The following PMM2 variants were observed in gnomAD, a reference collection of about 807,000 sequenced individuals.
The protein encoded by PMM2 is phosphomannomutase 2.
In PMM2, 35 loss-of-function variants were observed where a neutral mutation model predicts 33.2. The ratio of observed to expected loss-of-function variants is 1.06; its 90% CI spans 0.81 to 1.40. The LOEUF (loss-of-function observed/expected upper bound fraction) is 1.40. Among genes scored for constraint, PMM2 ranks in the 40% most tolerant of loss-of-function variants. PMM2 has a pLI of 0.00. For missense variants in PMM2, 386 were observed against 306.0 expected, an observed-to-expected ratio of 1.26 and a Z score of -1.95; for synonymous variants, 153 against 114.7, an observed-to-expected ratio of 1.33 and a Z score of -2.13.
At chr16:8,819,860 C>T (rs146649123) in intron 7 of PMM2, among the ~76,000 whole-genome samples, 1 of 152,158 alleles carries the variant, frequency 6.6e-6, no homozygotes, top group South Asian at 2.1e-4. Flanking sequence ...AGAGGAAGCA[C>T]AGTGGGAAGT....
intron 7 of PMM2, among the ~76,000 whole-genome samples, chr16:8,842,852 T>A (rs1406140409): frequency 6.6e-6 from 1 of 151,766 alleles, no homozygotes; most frequent in African/African-American, 2.4e-5. Flanking sequence ...TTGAGCGGGG[T>A]AAGGGTGATT....
chr16:8,832,282 T>C (rs1326412239), intron 7 of PMM2: 2 of 985,290 alleles, frequency 2.0e-6, no homozygotes, highest in Non-Finnish European at 1.2e-6. Context: ...CTGCGAGCCG[T>C]GCGGCTCTCT....
At chr16:8,806,198 A>C in intron 3 of PMM2, 118 bp from the exon 4 acceptor site, 1 of 740,660 alleles carries the variant, frequency 1.4e-6, no homozygotes, top group Non-Finnish European at 2.5e-6. Context: ...TGTCACCATC[A>C]CTGCTACATC....
chr16:8,836,314 CAGAG>C (rs1446288937), intron 7 of PMM2, among the ~76,000 whole-genome samples: 2 of 152,158 alleles, frequency 1.3e-5, no homozygotes, highest in African/African-American at 2.4e-5. Context: ...GGGAAGGAGT[CAGAG>C]AGCCTTGGGC....
At chr16:8,798,527 C>G (rs2060592669) in intron 1 of PMM2, among the ~76,000 whole-genome samples, 2 of 152,128 alleles carry the variant, frequency 1.3e-5, no homozygotes. Context: ...GTATGTTGGA[C>G]ACAACACACT....
chr16:8,810,765 C>T (rs762311527), intron 4 of PMM2: 10 of 386,822 alleles, frequency 2.6e-5, no homozygotes, highest in Admixed American at 7.8e-5. Flanking sequence ...TTTGTAGAGA[C>T]AGAGTTTCGC....
chr16:8,823,307 A>G (rs565108858), intron 7 of PMM2, among the ~76,000 whole-genome samples: 29 of 151,874 alleles, frequency 1.9e-4, no homozygotes, highest in South Asian at 2.1e-4. Context: ...GAAAAGTGGG[A>G]AAAAAAAATT....
intron 7 of PMM2, among the ~76,000 whole-genome samples, chr16:8,837,469 G>C (rs1488757834): frequency 6.6e-6 from 1 of 151,814 alleles, no homozygotes; most frequent in Admixed American, 6.6e-5. Context: ...GAAGGTGGAA[G>C]CTTGCCCATA....
chr16:8,836,044 A>G (rs1187115497), intron 7 of PMM2, among the ~76,000 whole-genome samples: 6 of 150,970 alleles, frequency 4.0e-5, no homozygotes, highest in East Asian at 1.9e-4. Flanking sequence ...TTAAAAGAGT[A>G]ATGTCTAAAT....
At chr16:8,810,740 C>CTATTTTTTG (rs1170269151) in intron 4 of PMM2, 2 of 365,616 alleles carry the variant, frequency 5.5e-6, no homozygotes, top group African/African-American at 2.1e-5. Context: ...CCATGCCAGG[C>CTATTTTTTG]TATTTTTTGT....
intron 4 of PMM2, 191 bp from the exon 5 acceptor site, chr16:8,810,888 A>G (rs984172005): frequency 1.1e-5 from 7 of 617,060 alleles, no homozygotes; most frequent in African/African-American, 1.1e-4. Flanking sequence ...ATCTCAATTC[A>G]TATTAGCCAC....
intron 3 of PMM2, 36 bp from the exon 4 acceptor site, chr16:8,806,280 G>A: frequency 7.2e-7 from 1 of 1,382,624 alleles, no homozygotes; most frequent in Non-Finnish European, 1.0e-6. Flanking sequence ...AAATGCTCCT[G>A]CTAAATCAAG....
Position 8,847,753 on chromosome 16 carries a change from C to A in PMM2, c.669C>A (p.Asp223Glu). ...PGGNDHEIFT[D>E]PRTMGYSVTA... is the part of the protein sequence containing the mutation. Reference sequence around the variant, plus strand: ...GCAATGACCATGAGATCTTCACAGACCCCAGAACCATGGGCTACTCCGTGA... The same window carrying A: ...GCAATGACCATGAGATCTTCACAGAACCCAGAACCATGGGCTACTCCGTGA... Residue 223 changes from aspartate (D) to glutamate (E), a missense_variant, in exon 8 of 8, where the codon GAC becomes GAA. Asp to Glu is a conservative substitution (Grantham distance 45, BLOSUM62 2). Coordinates refer to ENST00000268261, the MANE Select transcript of PMM2 (RefSeq NM_000303.3). The A allele has an allele frequency of 1.2e-6, 2 of 1,613,868 alleles. No individual in the cohort carries two copies. The highest frequency in any genetic ancestry group is 2.2e-5 in the East Asian group (1 of 44,872).
chr16:8,836,824 T>A (rs1270697789), intron 7 of PMM2, among the ~76,000 whole-genome samples: 2 of 152,002 alleles, frequency 1.3e-5, no homozygotes, highest in East Asian at 1.9e-4. Context: ...ATTTTTATAT[T>A]TGATGAAAAA....
chr16:8,834,545 C>A (rs2060831268), intron 7 of PMM2, among the ~76,000 whole-genome samples: 1 of 151,986 alleles, frequency 6.6e-6, no homozygotes, highest in Non-Finnish European at 1.5e-5. Flanking sequence ...AGCTAATTTG[C>A]CAGTCCTGGG....
intron 7 of PMM2, among the ~76,000 whole-genome samples, chr16:8,819,047 A>G (rs1481521964): frequency 1.3e-5 from 2 of 152,226 alleles, no homozygotes; most frequent in African/African-American, 2.4e-5. Context: ...GCAACATGAA[A>G]ACATTCTAAC....
chr16:8,825,734 C>G (rs2060763549), intron 7 of PMM2, among the ~76,000 whole-genome samples: 1 of 150,202 alleles, frequency 6.7e-6, no homozygotes, highest in African/African-American at 2.4e-5. Context: ...GTTAACAAAT[C>G]AGTGTTCAAA....
chr16:8,833,195 G>A (rs1306048450), intron 7 of PMM2, among the ~76,000 whole-genome samples: 2 of 152,186 alleles, frequency 1.3e-5, no homozygotes, highest in African/African-American at 4.8e-5. Flanking sequence ...GGGATAGGCG[G>A]TGAAGTTAAG....
At chr16:8,827,736 A>T (rs1419567242) in intron 7 of PMM2, among the ~76,000 whole-genome samples, 1 of 28,842 alleles carries the variant, frequency 3.5e-5, no homozygotes, top group Non-Finnish European at 7.2e-5. Context: ...ATATATATAT[A>T]TATATATATA....
Sources: allele counts gnomAD v4.1 joint callset (sites outside exome capture counted in the v4.1 genomes callset), GRCh38; gene constraint gnomAD v4.1.1; transcripts MANE v1.5; gene names NCBI Gene and HGNC (gene_info 2026-07-23, HGNC 2026-07-21).